Variants in MGAT3 observed in about 807,000 individuals in gnomAD.
MGAT3 encodes beta-1,4-mannosyl-glycoprotein 4-beta-N-acetylglucosaminyltransferase, also known as GlcNAc-T III.
A neutral mutation model predicts 29.8 loss-of-function variants in MGAT3; 9 were observed. The observed-to-expected ratio is 0.30, with a 90% CI of 0.18 to 0.53. The LOEUF (loss-of-function observed/expected upper bound fraction) is 0.53. MGAT3 is among the 20% of genes least tolerant of loss of function. MGAT3 has a pLI of 0.96. For synonymous variants in MGAT3, 397 were observed against 348.9 expected (o/e 1.14, Z -1.54); for missense variants, 557 against 769.5 (o/e 0.72, Z 3.27).
Position 39,488,982 on chromosome 22 carries a change from C to CT in MGAT3, c.*33_*34insT. 7.6e-7 allele frequency: 1 copy of CT among 1,311,760 alleles called. No individual in the cohort carries two copies. 81.3% of individuals were successfully genotyped at this position (1,311,760 alleles called of 1,614,324 possible). On this transcript the variant is annotated 3_prime_UTR_variant, in exon 2 of 2. Transcript: ENST00000341184. ...TGATCTGATAGGGTTTGTGACAGGG[C>CT]GGGGGTGGCGGCGGCCCCTAGCGCT...
rs776299748 is a variant in MGAT3 at position 39,487,795 on chromosome 22, C to G, written c.448C>G (p.Arg150Gly). 8.7e-6 allele frequency: 13 copies of G among 1,494,166 alleles called. No homozygotes were observed. Among genetic ancestry groups the G allele is most frequent in the Non-Finnish European group, 1.2e-5 (13 of 1,124,634 alleles). 92.6% of individuals were successfully genotyped at this position (1,494,166 alleles called of 1,614,324 possible). A position where few individuals can be genotyped will look rare whatever the true frequency, so the allele number is the denominator to read the frequency against. The change falls in exon 2 of 2, where the codon CGG becomes GGG. Residue 150 changes from arginine (R) to glycine (G), a missense_variant. Coordinates refer to ENST00000341184, the MANE Select transcript of MGAT3 (RefSeq NM_002409.5). This position sits in a 1 kb window ranked among gnomAD's most constrained non-coding sequence, Gnocchi z 5.7. ...ANGSSARRPP[R>G]YLLSARERTG... ...CGGCTCCTCGGCCCGGCGGCCACCC[C>G]GGTACCTCCTGAGCGCCCGGGAGCG...
At chr22:39,486,597 C>A (rs1929279674) in intron 1 of MGAT3, among the ~76,000 whole-genome samples, 1 of 152,166 alleles carries the variant, frequency 6.6e-6, no homozygotes, top group African/African-American at 2.4e-5. Flanking sequence ...ACCTCGAGGT[C>A]TCAAGTGATC....
rs749279986 is a variant in MGAT3, at chr22:39,487,347, G to A, written c.-1G>A. 2 of 1,610,814 alleles carry A rather than the reference G, an allele frequency of 1.2e-6. No individual in the cohort carries two copies. Among genetic ancestry groups the A allele is most frequent in the South Asian group, 1.1e-5 (1 of 91,038 alleles). On this transcript the variant is annotated splice_region_variant and 5_prime_UTR_variant, in exon 2 of 2. Coordinates refer to ENST00000341184, the MANE Select transcript of MGAT3 (RefSeq NM_002409.5). The surrounding 1 kb of genome is among the most constrained non-coding windows in gnomAD (Gnocchi z 5.7). The stretch of plus-strand genomic sequence containing the variant: ...TCTCCTGTCTCTCTCTCTCCCGCAG[G>A]ATGAAGATGAGACGCTACAAGCTCT...
At chr22:39,477,781 T>C (rs1929009490) in intron 1 of MGAT3, 1 of 152,232 alleles carries the variant, frequency 6.6e-6, no homozygotes, top group Non-Finnish European at 1.5e-5. Context: ...CCTCCAGACT[T>C]CCAGTAACAG....
intron 1 of MGAT3, among the ~76,000 whole-genome samples, chr22:39,461,085 C>A (rs909366044): frequency 2.0e-5 from 3 of 152,252 alleles, no homozygotes; most frequent in Admixed American, 1.3e-4. Flanking sequence ...GGGAAACAAA[C>A]CCCTGATGAG....
chr22:39,483,908 G>A (rs1929196332), intron 1 of MGAT3, among the ~76,000 whole-genome samples: 1 of 152,176 alleles, frequency 6.6e-6, no homozygotes, highest in Non-Finnish European at 1.5e-5. Context: ...GACAGCTCCA[G>A]GGGGGCAGGC....
chr22:39,473,051 T>C (rs1195457633), intron 1 of MGAT3, among the ~76,000 whole-genome samples: 1 of 152,092 alleles, frequency 6.6e-6, no homozygotes, highest in East Asian at 1.9e-4. Flanking sequence ...ACTTCGGTTT[T>C]CTCCTCTGTG....
rs1012507404 is a variant in MGAT3 at position 39,457,264 on chromosome 22, C to T, written c.-295C>T. The T allele has an allele frequency of 1.1e-4, 16 of 145,890 alleles. No homozygotes were observed. The highest frequency in any genetic ancestry group is 1.7e-4 in the Non-Finnish European group (11 of 65,506). The allele number at this position is 145,890 out of a possible 1,614,324, so 9.0% of individuals were successfully genotyped here. A position where few individuals can be genotyped will look rare whatever the true frequency, so the allele number is the denominator to read the frequency against. On this transcript the variant is annotated 5_prime_UTR_variant, in exon 1 of 2. Coordinates refer to ENST00000341184, the MANE Select transcript of MGAT3 (RefSeq NM_002409.5). This position sits in a 1 kb window ranked among gnomAD's most constrained non-coding sequence, Gnocchi z 6.8. ...GCGCCCCCCGCGCGCCCGCCGCGGT[C>T]CCTCCCCCGCGCCCGTCCGCTCGCC...
At chr22:39,472,017 C>G (rs148005573) in intron 1 of MGAT3, among the ~76,000 whole-genome samples, 3 of 151,876 alleles carry the variant, frequency 2.0e-5, no homozygotes, top group Non-Finnish European at 2.9e-5. Flanking sequence ...TAAAGCTCCC[C>G]GGCAGCAGGA....
chr22:39,467,732 G>A (rs1380255747), intron 1 of MGAT3, among the ~76,000 whole-genome samples: 2 of 141,504 alleles, frequency 1.4e-5, no homozygotes, highest in South Asian at 2.2e-4. Flanking sequence ...GTTTTGTTTC[G>A]TTTCGTTTCG....
rs1928352289 is a variant in MGAT3, at chr22:39,457,213, T to G, written c.-346T>G. 1 of 138,992 alleles carries G rather than the reference T, an allele frequency of 7.2e-6. No individual in the cohort carries two copies. The highest frequency in any genetic ancestry group is 2.5e-4 in the South Asian group (1 of 4,040). The allele number at this position is 138,992 out of a possible 1,614,324, so 8.6% of individuals were successfully genotyped here. On this transcript the variant is annotated 5_prime_UTR_variant, in exon 1 of 2. Transcript: ENST00000341184. This position sits in a 1 kb window ranked among gnomAD's most constrained non-coding sequence, Gnocchi z 6.8. ...TTGAGCCGGCGGGAGCGGGCACCCC[T>G]GCGCGCCGCGCTCGGCCTCGCCTCC...
In MGAT3 at chr22:39,489,310, G is replaced by T. The variant is rs1040368978; in HGVS notation, c.*361G>T. The T allele has an allele frequency of 5.7e-5, 17 of 300,044 alleles. No homozygotes were observed. Among genetic ancestry groups the T allele is most frequent in the African/African-American group, 1.7e-4 (8 of 45,742 alleles). 18.6% of individuals were successfully genotyped at this position (300,044 alleles called of 1,614,324 possible). ...GCAGGATCTCACCAGGCAGCCTCTGGGGGGTGGCCAGGCCGGGAAAAAGCC... is the reference window on the plus strand; with the variant it reads ...GCAGGATCTCACCAGGCAGCCTCTGTGGGGTGGCCAGGCCGGGAAAAAGCC... On this transcript the variant is annotated 3_prime_UTR_variant, in exon 2 of 2. Coordinates refer to ENST00000341184, the MANE Select transcript of MGAT3 (RefSeq NM_002409.5).
chr22:39,457,571 G>T lies in MGAT3; in HGVS notation c.-2+14G>T. The T allele has an allele frequency of 6.7e-6, 1 of 150,192 alleles. No individual in the cohort carries two copies. The highest frequency in any genetic ancestry group is 1.8e-4 in the South Asian group (1 of 5,480). The allele number at this position is 150,192 out of a possible 1,614,324, so 9.3% of individuals were successfully genotyped here. On this transcript the variant is annotated intron_variant, in intron 1 of 1. Coordinates refer to ENST00000341184, the MANE Select transcript of MGAT3 (RefSeq NM_002409.5). This position sits in a 1 kb window ranked among gnomAD's most constrained non-coding sequence, Gnocchi z 6.8. ...AGCGGGCGATGGGTGAGTTGACCCCGGCGTCCTGGGGGGCGCCGCGGCCCC... is the reference window on the plus strand; with the variant it reads ...AGCGGGCGATGGGTGAGTTGACCCCTGCGTCCTGGGGGGCGCCGCGGCCCC...
At chr22:39,474,304 A>G (rs148949255) in intron 1 of MGAT3, among the ~76,000 whole-genome samples, 323 of 152,182 alleles carry the variant, frequency 2.1e-3, no homozygotes, top group African/African-American at 7.4e-3. Flanking sequence ...GTGACCTGAA[A>G]ATGGCAGGCC....
intron 1 of MGAT3, among the ~76,000 whole-genome samples, chr22:39,469,177 G>T (rs1928739785): frequency 6.6e-6 from 1 of 151,754 alleles, no homozygotes; most frequent in Admixed American, 6.6e-5. Flanking sequence ...GGAAGTGCGG[G>T]CAGTGGGACG....
In MGAT3 at chr22:39,487,632, G is replaced by A; in HGVS notation, c.285G>A (p.Arg95=). 1.2e-6 allele frequency: 2 copies of A among 1,611,476 alleles called. No individual in the cohort carries two copies. Among genetic ancestry groups the A allele is most frequent in the Non-Finnish European group, 1.7e-6 (2 of 1,179,196 alleles). ...GCAAGGCGGCCGAGGAGCTCCACCG[G>A]GTGGACTTGGTGCTGCCCGAGGACA... The part of the protein sequence containing the change: ...PPSKAAEELH[R]VDLVLPEDTT... The change falls in exon 2 of 2, where the codon CGG becomes CGA. Residue 95 remains arginine (R), a synonymous_variant. Transcript: ENST00000341184. This position sits in a 1 kb window ranked among gnomAD's most constrained non-coding sequence, Gnocchi z 5.7.
chr22:39,472,288 A>T (rs1444267625), intron 1 of MGAT3, among the ~76,000 whole-genome samples: 1 of 152,128 alleles, frequency 6.6e-6, no homozygotes. Flanking sequence ...GTGTGGGTTC[A>T]GGCTCCCTGA....
chr22:39,472,752 G>A (rs536793882), intron 1 of MGAT3: 48 of 152,368 alleles, frequency 3.2e-4, no homozygotes, highest in African/African-American at 1.1e-3. Context: ...AGCATCTGGC[G>A]GGACAAGGTT....
In MGAT3 at chr22:39,488,881, G is replaced by A. The variant is rs1929370013; in HGVS notation, c.1534G>A (p.Gly512Arg). Residue 512 changes from glycine (G) to arginine (R), a missense_variant, in exon 2 of 2, where the codon GGG (glycine) becomes AGG (arginine). By Grantham distance (125) the Gly-to-Arg change is moderately radical. Coordinates refer to ENST00000341184, the MANE Select transcript of MGAT3 (RefSeq NM_002409.5). ...YQEPRSTAAG[G>R]WRHRGPEGRP... ...GGAGCCCAGGAGCACGGCGGCGGGC[G>A]GGTGGCGCCACAGGGGTCCCGAGGG... is the stretch of plus-strand genomic sequence containing the variant. 3 of 1,598,782 alleles carry A rather than the reference G, an allele frequency of 1.9e-6. No individual in the cohort carries two copies. The highest frequency in any genetic ancestry group is 1.7e-5 in the Admixed American group (1 of 57,572).
Sources: gnomAD v4.1 joint callset for allele counts (sites outside exome capture counted in the v4.1 genomes callset) on GRCh38, gnomAD v4.1.1 for gene constraint, Gnocchi (gnomAD v3.1) non-coding constraint, MANE v1.5 for transcripts, NCBI Gene and HGNC (gene_info 2026-07-23, HGNC 2026-07-21) for gene names.